ANKRD36: variants seen among roughly 807,000 people sequenced by gnomAD.
The protein encoded by ANKRD36 is ankyrin repeat domain-containing protein 36A.
ANKRD36 carries 179 observed loss-of-function variants against 278.1 expected under a neutral mutation model. That is an observed-to-expected ratio of 0.64 (90% CI 0.57 to 0.73). The LOEUF (loss-of-function observed/expected upper bound fraction) is 0.73, where lower values mean the gene tolerates loss of function less well. Among genes scored for constraint, ANKRD36 ranks in the 30% least tolerant of loss-of-function variants. The probability of loss-of-function intolerance (pLI) is 0.00; values close to 1 mark genes in which losing one functional copy is unlikely to be tolerated. For missense variants in ANKRD36, 1,159 were observed against 1,956.7 expected (o/e 0.59, Z 7.69); for synonymous variants, 320 against 641.1 (o/e 0.50, Z 7.57).
At chr2:97,162,295 T>A (rs2049113785) in intron 18 of ANKRD36, among the ~76,000 whole-genome samples, 157 bp downstream of exon 18, 1 of 152,154 alleles carries the variant, frequency 6.6e-6, no homozygotes, top group Non-Finnish European at 1.5e-5. Flanking sequence ...CTAATTTAAA[T>A]ATAATTTAAA....
In ANKRD36 at chr2:97,158,104, T is replaced by C. The variant is rs777710268; in HGVS notation, c.1261-3T>C. 9.2e-5 allele frequency: 137 copies of C among 1,481,236 alleles called. No homozygotes were observed. The highest frequency in any genetic ancestry group is 1.2e-4 in the Non-Finnish European group (134 of 1,101,016). 91.8% of individuals were successfully genotyped at this position (1,481,236 alleles called of 1,614,324 possible). ...TTATTCTTAAACCTATTGTGTCTTC[T>C]AGAATATTTCAGAACCATACTTTAC... On this transcript the variant is annotated splice_region_variant and splice_polypyrimidine_tract_variant and intron_variant, in intron 15 of 75. Coordinates refer to ENST00000420699, the MANE Select transcript of ANKRD36 (RefSeq NM_001354587.1).
chr2:97,182,829 A>C (rs1447393575), intron 26 of ANKRD36, among the ~76,000 whole-genome samples: 1 of 151,710 alleles, frequency 6.6e-6, no homozygotes, highest in Non-Finnish European at 1.5e-5. Context: ...TCTGTAGCCT[A>C]AACTAGAGGA....
intron 46 of ANKRD36, among the ~76,000 whole-genome samples, chr2:97,200,913 C>T (rs575849583): frequency 6.4e-4 from 97 of 151,978 alleles, no homozygotes; most frequent in African/African-American, 2.3e-3. Context: ...TTCATTATAA[C>T]CCGTAGACAC....
At chr2:97,190,897 G>T in intron 34 of ANKRD36, 81 bp from the exon 35 acceptor site, 4 of 1,560,478 alleles carry the variant, frequency 2.6e-6, no homozygotes, top group South Asian at 2.3e-5. Context: ...GGATACAGCT[G>T]GATGCTAACA....
At chr2:97,146,273 AT>A (rs397738008) in intron 10 of ANKRD36, among the ~76,000 whole-genome samples, 31 of 146,936 alleles carry the variant, frequency 2.1e-4, no homozygotes, top group Admixed American at 6.8e-4. Context: ...TGCCTACATG[AT>A]TTTTTTTTTT....
At chr2:97,224,444 G>GTTTT (rs1432191197) in intron 66 of ANKRD36, among the ~76,000 whole-genome samples, 2 of 143,806 alleles carry the variant, frequency 1.4e-5, no homozygotes, top group East Asian at 2.7e-4. Flanking sequence ...TTGTTTTTTT[G>GTTTT]TTTTTTTGTT....
chr2:97,211,062 G>T (rs35808243), intron 56 of ANKRD36, among the ~76,000 whole-genome samples: 1 of 151,572 alleles, frequency 6.6e-6, no homozygotes, highest in Non-Finnish European at 1.5e-5. Flanking sequence ...TGAAGTGTAC[G>T]TTCCACTGAA....
intron 62 of ANKRD36, 82 bp downstream of exon 62, chr2:97,215,579 C>A (rs1278435685): frequency 6.3e-7 from 1 of 1,581,422 alleles, no homozygotes; most frequent in Middle Eastern, 1.7e-4. Flanking sequence ...GCGGGGGGTT[C>A]ATTGAAGTTT....
chr2:97,115,895 A>G (rs1444432848), intron 1 of ANKRD36, among the ~76,000 whole-genome samples: 2 of 150,612 alleles, frequency 1.3e-5, no homozygotes, highest in Non-Finnish European at 3.0e-5. Context: ...AATGGATTTT[A>G]TAAATTTTAT....
intron 48 of ANKRD36, among the ~76,000 whole-genome samples, chr2:97,202,986 G>C (rs1301554592): frequency 6.6e-6 from 1 of 151,756 alleles, no homozygotes. Flanking sequence ...GCTGCTGCAG[G>C]AACTGCTGGA....
intron 4 of ANKRD36, among the ~76,000 whole-genome samples, chr2:97,123,936 A>C (rs1216978097): frequency 7.6e-6 from 1 of 131,766 alleles, no homozygotes; most frequent in Non-Finnish European, 1.7e-5. Context: ...TCCTTGAAGG[A>C]TATATTATTA....
At chr2:97,261,156 CAGCTT>C (rs1336407218) in intron 75 of ANKRD36, among the ~76,000 whole-genome samples, 2 of 123,452 alleles carry the variant, frequency 1.6e-5, no homozygotes, top group African/African-American at 7.5e-5. Flanking sequence ...TTTGCATTCA[CAGCTT>C]AGTTTACTGT....
intron 67 of ANKRD36, among the ~76,000 whole-genome samples, chr2:97,232,881 G>A (rs1256407993): frequency 1.3e-5 from 2 of 152,020 alleles, no homozygotes; most frequent in Non-Finnish European, 2.9e-5. Flanking sequence ...TAGGTTGTGA[G>A]GCAAATGACA....
chr2:97,208,768 C>T (rs1185760998), intron 54 of ANKRD36, among the ~76,000 whole-genome samples: 1 of 146,426 alleles, frequency 6.8e-6, no homozygotes, highest in Admixed American at 6.8e-5. Context: ...GGAGCTACCT[C>T]GTGGATAAAA....
intron 75 of ANKRD36, among the ~76,000 whole-genome samples, chr2:97,258,137 T>G (rs1332355472): frequency 1.4e-5 from 2 of 144,658 alleles, no homozygotes; most frequent in Non-Finnish European, 1.5e-5. Context: ...CTTTTTACTT[T>G]TATGTGTTTT....
chr2:97,208,407 CTG>C lies in ANKRD36; in HGVS notation c.3265+404_3265+405del, dbSNP rs1279245017. Among the ~76,000 whole-genome samples the C allele has an allele frequency of 1.3e-4, 19 of 146,264 alleles. 3 individuals carry two copies. The highest frequency in any genetic ancestry group is 2.4e-4 in the Non-Finnish European group (16 of 67,164). On this transcript the variant is annotated intron_variant, in intron 54 of 75. Transcript: ENST00000420699. ...AGCTTGTTGTAACAACCCGTAGACA[CTG>C]TGGGAGAACTAAGGAGACCCCTGGT... is the stretch of plus-strand genomic sequence containing the variant.
chr2:97,156,179 A>G lies in ANKRD36; in HGVS notation c.1260+1438A>G, dbSNP rs927224830. Among the ~76,000 whole-genome samples the G allele has an allele frequency of 4.1e-5, 6 of 146,226 alleles. 1 individual carries two copies. Among genetic ancestry groups the G allele is most frequent in the African/African-American group, 1.5e-4 (6 of 41,072 alleles). On this transcript the variant is annotated intron_variant, in intron 15 of 75. Transcript: ENST00000420699. ...TTCTTAAATTTTTAAAGCCCCAACC[A>G]TGTTCTATTAAATACATATTTTTCA...
In ANKRD36 at chr2:97,187,383, G is replaced by A; in HGVS notation, c.2125G>A (p.Gly709Arg). Residue 709 changes from glycine (G) to arginine (R), a missense_variant, in exon 32 of 76, where the codon GGA (glycine) becomes AGA (arginine). Transcript: ENST00000420699. Reference protein sequence around the residue: ...VSNIATEIKDGEKSGTVSSQK... With the variant: ...VSNIATEIKDREKSGTVSSQK... ...GAATATAGCCACAGAAATAAAGGAT[G>A]GAGAAAAATCTGGGACAGGTAATTT... 3 of 1,595,308 alleles carry A rather than the reference G, an allele frequency of 1.9e-6. No homozygotes were observed. The highest frequency in any genetic ancestry group is 2.6e-6 in the Non-Finnish European group (3 of 1,170,474).
chr2:97,204,682 G>C (rs952052769), intron 50 of ANKRD36, among the ~76,000 whole-genome samples: 31 of 151,640 alleles, frequency 2.0e-4, no homozygotes, highest in African/African-American at 7.5e-4. Flanking sequence ...GAACTAAGGA[G>C]ACCCCTGGTG....
Sources: allele counts gnomAD v4.1 joint callset (sites outside exome capture counted in the v4.1 genomes callset), GRCh38; gene constraint gnomAD v4.1.1; transcripts MANE v1.5; gene names NCBI Gene and HGNC (gene_info 2026-07-23, HGNC 2026-07-21).